The following ARHGAP24 variants were observed in gnomAD, a reference collection of about 807,000 sequenced individuals.
ARHGAP24 encodes the protein Rho GTPase activating protein 24, also known as rho GTPase-activating protein 24.
Under a neutral mutation model 76.4 loss-of-function variants are expected in ARHGAP24, and 50 were observed. That is an observed-to-expected ratio of 0.65 (90% CI 0.52 to 0.83). The LOEUF (loss-of-function observed/expected upper bound fraction) is 0.83. Among genes scored for constraint, ARHGAP24 ranks in the 40% least tolerant of loss-of-function variants. The pLI is 0.00. For synonymous variants in ARHGAP24, 345 were observed against 323.3 expected, an observed-to-expected ratio of 1.07 and a Z score of -0.72; for missense variants, 930 against 914.2, an observed-to-expected ratio of 1.02 and a Z score of -0.22.
intron 3 of ARHGAP24, among the ~76,000 whole-genome samples, chr4:85,791,706 A>T (rs1021433605): frequency 8.5e-5 from 13 of 152,242 alleles, no homozygotes; most frequent in Admixed American, 2.0e-4. Flanking sequence ...TGATGAGCTA[A>T]GGACTCTGCT....
intron 2 of ARHGAP24, among the ~76,000 whole-genome samples, chr4:85,719,148 A>G (rs781672351): frequency 4.1e-4 from 63 of 152,334 alleles, no homozygotes; most frequent in Middle Eastern, 3.4e-3. Context: ...TTTTTACCAC[A>G]TTATGTAGAA....
At chr4:85,553,240 A>T (rs935049827) in intron 1 of ARHGAP24, among the ~76,000 whole-genome samples, 3 of 152,080 alleles carry the variant, frequency 2.0e-5, no homozygotes, top group Non-Finnish European at 2.9e-5. Context: ...CAGCAGCAAG[A>T]GTTACTGTGA....
chr4:85,798,060 T>A (rs957142583), intron 3 of ARHGAP24, among the ~76,000 whole-genome samples: 5 of 27,572 alleles, frequency 1.8e-4, no homozygotes, highest in Non-Finnish European at 5.6e-4. Flanking sequence ...CCCTTGAGTT[T>A]ACTACTAAAA....
chr4:85,601,957 G>A (rs1317260753), intron 2 of ARHGAP24, among the ~76,000 whole-genome samples: 4 of 152,038 alleles, frequency 2.6e-5, no homozygotes, highest in Non-Finnish European at 1.5e-5. Context: ...GGCAAAACTG[G>A]TTCAACTGCA....
intron 3 of ARHGAP24, among the ~76,000 whole-genome samples, chr4:85,771,103 C>T (rs761743564): frequency 3.3e-5 from 5 of 152,196 alleles, no homozygotes; most frequent in Admixed American, 6.5e-5. Flanking sequence ...GGAGACTACA[C>T]ACTATATCTG....
intron 3 of ARHGAP24, among the ~76,000 whole-genome samples, chr4:85,811,709 T>C (rs574032793): frequency 1.2e-4 from 18 of 152,360 alleles, no homozygotes; most frequent in East Asian, 1.9e-4. Flanking sequence ...TTTGTTATTA[T>C]GTGGATAAGT....
intron 5 of ARHGAP24, among the ~76,000 whole-genome samples, chr4:85,962,396 C>G (rs1738314143): frequency 6.6e-6 from 1 of 152,048 alleles, no homozygotes; most frequent in East Asian, 1.9e-4. Context: ...TCATTCCATT[C>G]TTTTTATTTC....
At chr4:85,630,140 A>G (rs1207048523) in intron 2 of ARHGAP24, among the ~76,000 whole-genome samples, 1 of 151,942 alleles carries the variant, frequency 6.6e-6, no homozygotes. Context: ...GAATCTTTTT[A>G]TAGAATTTTT....
intron 3 of ARHGAP24, among the ~76,000 whole-genome samples, chr4:85,900,403 T>G (rs138646406): frequency 5.9e-5 from 9 of 152,116 alleles, no homozygotes; most frequent in Non-Finnish European, 1.2e-4. Flanking sequence ...AAAGATGCCT[T>G]ATCCTGCAGG....
chr4:85,963,763 G>A (rs563534705), intron 5 of ARHGAP24, among the ~76,000 whole-genome samples: 1 of 152,112 alleles, frequency 6.6e-6, no homozygotes, highest in South Asian at 2.1e-4. Flanking sequence ...AGTGTTTTTT[G>A]TGGGATACAT....
intron 8 of ARHGAP24, among the ~76,000 whole-genome samples, chr4:85,978,440 T>G (rs1739460586): frequency 1.3e-5 from 2 of 152,206 alleles, no homozygotes; most frequent in South Asian, 4.1e-4. Context: ...TTTTTAGATC[T>G]TACGTGTGAG....
intron 5 of ARHGAP24, among the ~76,000 whole-genome samples, chr4:85,962,480 A>G (rs1738317554): frequency 6.6e-6 from 1 of 151,998 alleles, no homozygotes; most frequent in Non-Finnish European, 1.5e-5. Flanking sequence ...AATCTATTGT[A>G]TGGTGGATAT....
intron 3 of ARHGAP24, among the ~76,000 whole-genome samples, chr4:85,919,374 T>C (rs1735592916): frequency 6.6e-6 from 1 of 152,212 alleles, no homozygotes; most frequent in African/African-American, 2.4e-5. Flanking sequence ...GATGGCACTT[T>C]CAGTTAGAAA....
chr4:85,980,693 G>A lies in ARHGAP24; in HGVS notation c.928+3002G>A, dbSNP rs539231328. On this transcript the variant is annotated intron_variant, in intron 8 of 9. Coordinates refer to ENST00000395184, the MANE Select transcript of ARHGAP24 (RefSeq NM_001025616.3). ...CACTTAATGTTCACTACTGGTCCTT[G>A]TATTGATGTCTTTCCAGCCTAGAGA... Among the ~76,000 whole-genome samples the A allele has an allele frequency of 1.8e-4, 27 of 152,288 alleles. No individual in the cohort carries two copies. In the South Asian group the frequency reaches 5.6e-3, roughly 32 times the overall value.
chr4:85,713,861 C>T (rs1182816445), intron 2 of ARHGAP24, among the ~76,000 whole-genome samples: 4 of 152,142 alleles, frequency 2.6e-5, no homozygotes, highest in African/African-American at 9.7e-5. Context: ...TAACAAAGAG[C>T]ACCTCAAGAA....
rs144354963 is a variant in ARHGAP24 at position 85,907,192 on chromosome 4, G to C, written c.269-16456G>C. On this transcript the variant is annotated intron_variant, in intron 3 of 9. Coordinates refer to ENST00000395184, the MANE Select transcript of ARHGAP24 (RefSeq NM_001025616.3). ...CCTTGTAATTGTTAATATATTCCTA[G>C]TGTTAATATGTTTCTAGGTTCCAAG... is the stretch of plus-strand genomic sequence containing the variant. Among the ~76,000 whole-genome samples, 526 of 152,152 alleles carry C rather than the reference G, an allele frequency of 3.5e-3. 2 individuals carry two copies. Among genetic ancestry groups the C allele is most frequent in the African/African-American group, 0.012 (508 of 41,494 alleles).
Position 85,743,392 on chromosome 4 carries a change from C to CAAAAAAAAAAAAAA in ARHGAP24, c.268+21448_268+21461dup, listed in dbSNP as rs774717006. Among the ~76,000 whole-genome samples the CAAAAAAAAAAAAAA allele has an allele frequency of 4.6e-5, 2 of 43,380 alleles. 1 individual carries two copies. The highest frequency in any genetic ancestry group is 1.7e-4 in the African/African-American group (2 of 11,786). The allele number at this position is 43,380 out of a possible 152,430, so 28.5% of individuals were successfully genotyped here. ...AAGACGCCAAGGCGGGATCCCATCT[C>CAAAAAAAAAAAAAA]AAAAAAAAAAAAAAAAAAAAAAAAA... On this transcript the variant is annotated intron_variant, in intron 3 of 9. Coordinates refer to ENST00000395184, the MANE Select transcript of ARHGAP24 (RefSeq NM_001025616.3).
chr4:85,749,127 G>T (rs1726159293), intron 3 of ARHGAP24, among the ~76,000 whole-genome samples: 1 of 152,178 alleles, frequency 6.6e-6, no homozygotes, highest in Non-Finnish European at 1.5e-5. Context: ...ATCAGCTATG[G>T]CATCAGGATA....
chr4:85,850,428 G>GT (rs1160813208), intron 3 of ARHGAP24, among the ~76,000 whole-genome samples: 7 of 152,114 alleles, frequency 4.6e-5, no homozygotes, highest in African/African-American at 1.7e-4. Flanking sequence ...TTTTTGAAGG[G>GT]TTTTTTGTGT....
Sources: gnomAD v4.1 joint callset for allele counts (sites outside exome capture counted in the v4.1 genomes callset) on GRCh38, gnomAD v4.1.1 for gene constraint, MANE v1.5 for transcripts, NCBI Gene and HGNC (gene_info 2026-07-23, HGNC 2026-07-21) for gene names.